Variants in NCKAP5 observed in about 807,000 individuals in gnomAD.
NCKAP5 encodes the protein NCK associated protein 5, also known as nck-associated protein 5.
Under a neutral mutation model 167.0 loss-of-function variants are expected in NCKAP5, and 92 were observed. That is an observed-to-expected ratio of 0.55 (90% CI 0.47 to 0.66). NCKAP5 has a LOEUF of 0.66. Ranked by LOEUF, NCKAP5 falls within the 30% of genes least tolerant of loss-of-function variation. NCKAP5 has a pLI of 0.00. For synonymous variants in NCKAP5, 891 were observed against 877.4 expected, an observed-to-expected ratio of 1.02 and a Z score of -0.27; for missense variants, 2,378 against 2,315.0, an observed-to-expected ratio of 1.03 and a Z score of -0.56.
chr2:132,695,556 C>G (rs1377944520), intron 19 of NCKAP5, among the ~76,000 whole-genome samples: 3 of 152,148 alleles, frequency 2.0e-5, no homozygotes, highest in Admixed American at 2.0e-4. Flanking sequence ...CTGAGAAATC[C>G]TCAGTGGAAT....
At chr2:133,308,036 G>A (rs1346879045) in intron 3 of NCKAP5, among the ~76,000 whole-genome samples, 1 of 121,684 alleles carries the variant, frequency 8.2e-6, no homozygotes, top group East Asian at 2.3e-4. Context: ...TAATAGAAGG[G>A]TGCATAAATC....
chr2:133,296,812 G>A (rs181448360), intron 4 of NCKAP5, among the ~76,000 whole-genome samples: 2 of 152,258 alleles, frequency 1.3e-5, no homozygotes, highest in East Asian at 3.9e-4. Context: ...TCTTCCTATT[G>A]TGTAGTATTA....
intron 3 of NCKAP5, among the ~76,000 whole-genome samples, chr2:133,384,315 T>C (rs557470496): frequency 2.3e-4 from 35 of 152,344 alleles, no homozygotes; most frequent in African/African-American, 7.7e-4. Flanking sequence ...AAATAGGGAA[T>C]CCTTTCCCCA....
chr2:132,720,328 T>A, intron 19 of NCKAP5, among the ~76,000 whole-genome samples: 1 of 152,222 alleles, frequency 6.6e-6, no homozygotes, highest in East Asian at 1.9e-4. Flanking sequence ...CCCCACTGAC[T>A]CTGCTAACAA....
At chr2:133,667,198 T>G in the NCKAP5 span, among the ~76,000 whole-genome samples, 1 of 151,958 alleles carries the variant, frequency 6.6e-6, no homozygotes, top group Non-Finnish European at 1.5e-5. Context: ...ACAGTGAGAC[T>G]AATGAAATGA....
chr2:133,288,114 T>C (rs939387618), intron 4 of NCKAP5, among the ~76,000 whole-genome samples: 3 of 152,234 alleles, frequency 2.0e-5, no homozygotes, highest in Admixed American at 1.3e-4. Flanking sequence ...ATTTCAGGGC[T>C]GACTTCCTGG....
intron 2 of NCKAP5, among the ~76,000 whole-genome samples, chr2:133,537,044 T>C (rs1458721198): frequency 6.6e-6 from 1 of 152,102 alleles, no homozygotes; most frequent in African/African-American, 2.4e-5. Flanking sequence ...ACATTATTTG[T>C]TGAGAAGATT....
intron 2 of NCKAP5, among the ~76,000 whole-genome samples, chr2:133,547,003 G>A (rs546660922): frequency 3.3e-4 from 50 of 152,304 alleles, no homozygotes; most frequent in African/African-American, 1.1e-3. Flanking sequence ...GACAGTGGGC[G>A]CAGGCCAGTG....
rs10635907 is a variant in NCKAP5, at chr2:133,357,288, GACACACACACACACACAC to G, written c.70-54196_70-54179del. On this transcript the variant is annotated intron_variant, in intron 3 of 19. Coordinates refer to ENST00000409261, the MANE Select transcript of NCKAP5 (RefSeq NM_207363.3). ...ATTAGTTGGGTCACACACATACACA[GACACACACACACACACAC>G]ACACACACACACACACACACACATA... is the stretch of plus-strand genomic sequence containing the variant. 4.3e-5 allele frequency among the ~76,000 whole-genome samples: 6 copies of G among 140,272 alleles called. No homozygotes were observed. The South Asian group carries it at 7.0e-4, about 16-fold the overall frequency. 92.0% of individuals were successfully genotyped at this position (140,272 alleles called of 152,430 possible).
intron 18 of NCKAP5, among the ~76,000 whole-genome samples, chr2:132,726,945 T>C (rs976005746): frequency 3.3e-5 from 5 of 152,222 alleles, no homozygotes; most frequent in African/African-American, 1.2e-4. Context: ...CAGTCCAGTC[T>C]GGACATGATG....
intron 4 of NCKAP5, among the ~76,000 whole-genome samples, chr2:133,238,359 C>G (rs922483674): frequency 6.6e-6 from 1 of 152,134 alleles, no homozygotes; most frequent in African/African-American, 2.4e-5. Flanking sequence ...TCAAGCCCAG[C>G]CTTTGGTAAA....
At chr2:133,180,187 A>G (rs1420093790) in intron 5 of NCKAP5, among the ~76,000 whole-genome samples, 3 of 152,166 alleles carry the variant, frequency 2.0e-5, no homozygotes, top group Non-Finnish European at 4.4e-5. Context: ...AAAAAAAAGA[A>G]TGCCAATCCC....
intron 6 of NCKAP5, among the ~76,000 whole-genome samples, chr2:133,097,885 G>A (rs1054382882): frequency 2.6e-5 from 4 of 152,092 alleles, no homozygotes; most frequent in African/African-American, 7.2e-5. Context: ...TGAGTAATAC[G>A]TGCATTTTCT....
chr2:132,979,413 C>G (rs577741036), intron 7 of NCKAP5, among the ~76,000 whole-genome samples: 2 of 152,126 alleles, frequency 1.3e-5, no homozygotes, highest in Non-Finnish European at 2.9e-5. Context: ...ACAGGGCCCA[C>G]CCCATGCCCT....
chr2:132,929,173 C>T (rs1696161863), intron 8 of NCKAP5, among the ~76,000 whole-genome samples: 1 of 152,054 alleles, frequency 6.6e-6, no homozygotes, highest in Non-Finnish European at 1.5e-5. Flanking sequence ...ACAGAATCTG[C>T]CAGCACGTTG....
At chr2:133,588,211 T>C in the NCKAP5 span, among the ~76,000 whole-genome samples, 1 of 152,106 alleles carries the variant, frequency 6.6e-6, no homozygotes, top group African/African-American at 2.4e-5. Flanking sequence ...TAAAGTCCTA[T>C]GGTCTGATGT....
chr2:132,823,926 A>T (rs908558041), intron 11 of NCKAP5, among the ~76,000 whole-genome samples: 7 of 152,192 alleles, frequency 4.6e-5, no homozygotes, highest in Admixed American at 3.9e-4. Context: ...CAACAACAGT[A>T]AAAAAGACAA....
rs113599667 is a variant in NCKAP5 at position 132,743,407 on chromosome 2, A to G, written c.5129-11356T>C. Reference sequence around the variant, plus strand: ...TCTAACATATATAGAAGTAAAATATATAACAGCACAAAGGATGGGAGAGGT... The same window carrying G: ...TCTAACATATATAGAAGTAAAATATGTAACAGCACAAAGGATGGGAGAGGT... On this transcript the variant is annotated intron_variant, in intron 16 of 19. Transcript: ENST00000409261. Among the ~76,000 whole-genome samples the G allele has an allele frequency of 2.6e-3, 398 of 151,980 alleles. 1 individual carries two copies. The highest frequency in any genetic ancestry group is 9.2e-3 in the African/African-American group (383 of 41,520).
chr2:132,898,566 C>T (rs1693379837), intron 8 of NCKAP5, among the ~76,000 whole-genome samples: 1 of 152,184 alleles, frequency 6.6e-6, no homozygotes, highest in South Asian at 2.1e-4. Flanking sequence ...TAAAATGTCA[C>T]TACTTAAATA....
Sources: allele counts gnomAD v4.1 joint callset (sites outside exome capture counted in the v4.1 genomes callset), GRCh38; gene constraint gnomAD v4.1.1; transcripts MANE v1.5; gene names NCBI Gene and HGNC (gene_info 2026-07-23, HGNC 2026-07-21).